PTGS1: variants seen among roughly 807,000 people sequenced by gnomAD.
PTGS1 encodes prostaglandin-endoperoxide synthase 1, also known as prostaglandin G/H synthase 1.
Under a neutral mutation model 63.0 loss-of-function variants are expected in PTGS1, and 40 were observed. The ratio of observed to expected loss-of-function variants is 0.63; its 90% CI spans 0.49 to 0.83. PTGS1 has a LOEUF of 0.83. Ranked by LOEUF, PTGS1 falls within the 40% of genes least tolerant of loss-of-function variation. PTGS1 has a pLI of 0.00. For missense variants in PTGS1, 709 were observed against 786.5 expected (o/e 0.90, Z 1.18); for synonymous variants, 298 against 301.9 (o/e 0.99, Z 0.13).
chr9:122,375,130 G>A (rs1024544284), intron 2 of PTGS1, among the ~76,000 whole-genome samples: 10 of 152,174 alleles, frequency 6.6e-5, no homozygotes, highest in African/African-American at 2.4e-4. Context: ...GGGCACCAGC[G>A]GCAGGCCCAC....
chr9:122,374,505 A>T (rs935979861), intron 2 of PTGS1, among the ~76,000 whole-genome samples: 1 of 152,138 alleles, frequency 6.6e-6, no homozygotes, highest in East Asian at 1.9e-4. Flanking sequence ...TGTGCTGAGT[A>T]TGGGGGACTC....
intron 8 of PTGS1, among the ~76,000 whole-genome samples, chr9:122,385,342 G>T (rs111630264): frequency 1.3e-3 from 193 of 152,174 alleles, no homozygotes; most frequent in African/African-American, 4.5e-3. Context: ...AGCTCAGGTG[G>T]CTGGAAATGG....
intron 7 of PTGS1, among the ~76,000 whole-genome samples, chr9:122,381,981 G>A (rs1178701454): frequency 6.6e-6 from 1 of 152,188 alleles, no homozygotes; most frequent in Non-Finnish European, 1.5e-5. Context: ...GAGCTCAACA[G>A]GAGATGAACA....
intron 5 of PTGS1, among the ~76,000 whole-genome samples, chr9:122,380,872 T>C (rs961741520): frequency 2.6e-5 from 4 of 152,264 alleles, no homozygotes; most frequent in Non-Finnish European, 4.4e-5. Context: ...AGATGATTTA[T>C]CTGTATTCAC....
At position 122,392,774 on chromosome 9, in the gene PTGS1, C is replaced by T. The variant is rs1838367198; in HGVS notation, c.*230C>T. The stretch of plus-strand genomic sequence containing the variant: ...CCTTCAGATTGTTAGGAGTGGTTCT[C>T]ATTTGGTCTGCCAGAATACTGGGTT... On this transcript the variant is annotated 3_prime_UTR_variant, in exon 11 of 11. Coordinates refer to ENST00000362012, the MANE Select transcript of PTGS1 (RefSeq NM_000962.4). The T allele has an allele frequency of 8.6e-6, 4 of 466,896 alleles. No homozygotes were observed. Among genetic ancestry groups the T allele is most frequent in the Admixed American group, 3.5e-5 (1 of 28,184 alleles). The allele number at this position is 466,896 out of a possible 1,614,324, so 28.9% of individuals were successfully genotyped here. A position where few individuals can be genotyped will look rare whatever the true frequency, so the allele number is the denominator to read the frequency against.
intron 2 of PTGS1, among the ~76,000 whole-genome samples, chr9:122,373,493 C>T (rs1588116353): frequency 1.3e-5 from 2 of 152,144 alleles, no homozygotes; most frequent in Admixed American, 1.3e-4. Context: ...TGGAGGCCAG[C>T]CTGGAGGCAA....
intron 5 of PTGS1, 24 bp downstream of exon 5, chr9:122,378,942 C>T: frequency 6.2e-7 from 1 of 1,613,306 alleles, no homozygotes; most frequent in Non-Finnish European, 8.5e-7. Flanking sequence ...AGGAGCTGGG[C>T]CTGGGGATTA....
intron 2 of PTGS1, among the ~76,000 whole-genome samples, chr9:122,376,185 C>T (rs10306137): frequency 0.017 from 2,613 of 152,244 alleles, 61 homozygotes; most frequent in African/African-American, 0.057. Flanking sequence ...TCCCTGGATC[C>T]TGCCTGCCAG....
chr9:122,378,325 G>A, intron 3 of PTGS1, 108 bp from the exon 4 acceptor site: 1 of 1,470,240 alleles, frequency 6.8e-7, no homozygotes, highest in South Asian at 1.2e-5. Context: ...CCCCATAGGT[G>A]CTACTCTGTT....
rs1431869316 is a variant in PTGS1, at chr9:122,392,269, G to GA, written c.1529dup (p.Cys511ValfsTer46). Reference sequence around the variant, plus strand: ...GGAGTTCTACCCTGGACTGCTTCTTGAAAAGTGCCATCCAAACTCTATCTT... The same window carrying GA: ...GGAGTTCTACCCTGGACTGCTTCTTGAAAAAGTGCCATCCAAACTCTATCTT... On this transcript the variant is annotated frameshift_variant, in exon 11 of 11. Transcript: ENST00000362012. LOFTEE classifies it high-confidence loss of function. 20 of 1,613,512 alleles carry GA rather than the reference G, an allele frequency of 1.2e-5. No homozygotes were observed. Among genetic ancestry groups the GA allele is most frequent in the Non-Finnish European group, 1.5e-5 (18 of 1,179,580 alleles).
chr9:122,371,961 C>A, intron 2 of PTGS1: 1 of 705,442 alleles, frequency 1.4e-6, no homozygotes. Context: ...ACAATGGACC[C>A]GGAGCCACTC....
intron 2 of PTGS1, chr9:122,375,239 G>C: frequency 1.0e-6 from 1 of 962,902 alleles, no homozygotes; most frequent in Non-Finnish European, 1.2e-6. Flanking sequence ...GGATGGGCCG[G>C]ACTGGGAGGG....
At chr9:122,373,771 T>C (rs746830413) in intron 2 of PTGS1, among the ~76,000 whole-genome samples, 1 of 152,080 alleles carries the variant, frequency 6.6e-6, no homozygotes, top group Non-Finnish European at 1.5e-5. Flanking sequence ...CTCTTCCAGC[T>C]GCTGGGCCCA....
chr9:122,381,518 T>G lies in PTGS1; in HGVS notation c.644T>G (p.Met215Arg). 1.2e-6 allele frequency: 2 copies of G among 1,614,200 alleles called. No individual in the cohort carries two copies. Among genetic ancestry groups the G allele is most frequent in the Non-Finnish European group, 1.7e-6 (2 of 1,180,022 alleles). ...CAGTTCTTCAAAACTTCTGGCAAGA[T>G]GGGTCCTGGCTTCACCAAGGCCTTG... ...THQFFKTSGK[M>R]GPGFTKALGH... The change falls in exon 6 of 11, where the codon ATG (methionine) becomes AGG (arginine). Residue 215 changes from methionine to arginine, a missense_variant. Coordinates refer to ENST00000362012, the MANE Select transcript of PTGS1 (RefSeq NM_000962.4).
intron 10 of PTGS1, among the ~76,000 whole-genome samples, chr9:122,391,270 A>C (rs7848086): frequency 0.076 from 10,995 of 144,682 alleles, 1,340 homozygotes; most frequent in African/African-American, 0.26. Flanking sequence ...ATATATACAT[A>C]TATATCAATA....
rs1838454916 is a variant in PTGS1, at chr9:122,394,278, G to T, written c.*1734G>T. 6.6e-6 allele frequency: 1 copy of T among 152,160 alleles called. No individual in the cohort carries two copies. Among genetic ancestry groups the T allele is most frequent in the East Asian group, 1.9e-4 (1 of 5,188 alleles). The allele number at this position is 152,160 out of a possible 1,614,324, so 9.4% of individuals were successfully genotyped here. ...AAGGTTCTTCATGATCCACACTTTG[G>T]GCTTAGTATTTCTCAGGAAGAGCTA... On this transcript the variant is annotated 3_prime_UTR_variant, in exon 11 of 11. Transcript: ENST00000362012.
intron 4 of PTGS1, 83 bp from the exon 5 acceptor site, chr9:122,378,692 A>G (rs1227035987): frequency 2.5e-6 from 4 of 1,601,690 alleles, no homozygotes; most frequent in Admixed American, 3.4e-5. Flanking sequence ...TGATAAAATA[A>G]GCCCCAACCC....
At chr9:122,384,925 T>C (rs557217994) in intron 8 of PTGS1, among the ~76,000 whole-genome samples, 9 of 152,326 alleles carry the variant, frequency 5.9e-5, no homozygotes, top group Non-Finnish European at 1.2e-4. Context: ...TGTCTACTTC[T>C]CTCAACAACC....
intron 8 of PTGS1, among the ~76,000 whole-genome samples, chr9:122,384,429 A>G (rs574018962): frequency 2.0e-5 from 3 of 152,182 alleles, no homozygotes; most frequent in Non-Finnish European, 4.4e-5. Context: ...CACTGGAGCC[A>G]TGAAGAGCCA....
Sources: gnomAD v4.1 joint callset for allele counts (sites outside exome capture counted in the v4.1 genomes callset) on GRCh38, gnomAD v4.1.1 for gene constraint, MANE v1.5 for transcripts, NCBI Gene and HGNC (gene_info 2026-07-23, HGNC 2026-07-21) for gene names.